Variants in HCN1 observed in about 807,000 individuals in gnomAD.
HCN1 encodes potassium/sodium hyperpolarization-activated cyclic nucleotide-gated channel 1.
HCN1 carries 13 observed loss-of-function variants against 78.9 expected under a neutral mutation model. The ratio of observed to expected loss-of-function variants is 0.16; its 90% CI spans 0.11 to 0.26. HCN1 has a LOEUF of 0.26. HCN1 is among the 10% of genes least tolerant of loss of function. The pLI is 1.00. For missense variants in HCN1, 810 were observed against 1,154.3 expected (o/e 0.70, Z 4.32); for synonymous variants, 552 against 455.5 (o/e 1.21, Z -2.70).
chr5:45,296,246 A>T (rs907648733), intron 6 of HCN1, among the ~76,000 whole-genome samples: 1 of 152,038 alleles, frequency 6.6e-6, no homozygotes, highest in Non-Finnish European at 1.5e-5. Flanking sequence ...GCTATAAAAC[A>T]CACCTCAGCA....
At chr5:45,485,667 A>G (rs928707991) in intron 2 of HCN1, among the ~76,000 whole-genome samples, 1 of 152,188 alleles carries the variant, frequency 6.6e-6, no homozygotes, top group African/African-American at 2.4e-5. Context: ...TAAAAAAAAT[A>G]CAACTCAGGA....
At chr5:45,485,357 A>C (rs1237014383) in intron 2 of HCN1, among the ~76,000 whole-genome samples, 5 of 152,116 alleles carry the variant, frequency 3.3e-5, no homozygotes, top group Non-Finnish European at 7.3e-5. Context: ...CCATCTCCTC[A>C]TTCTTCTGAA....
chr5:45,582,590 T>C (rs1464798694), intron 2 of HCN1, among the ~76,000 whole-genome samples: 8 of 152,140 alleles, frequency 5.3e-5, no homozygotes. Flanking sequence ...GGCATCCCTG[T>C]CTTGTGGCAG....
chr5:45,360,587 G>T (rs1244717490), intron 4 of HCN1, among the ~76,000 whole-genome samples: 1 of 151,942 alleles, frequency 6.6e-6, no homozygotes, highest in Non-Finnish European at 1.5e-5. Context: ...CTATTTTCAA[G>T]AACTATGCTA....
Position 45,439,500 on chromosome 5 carries a change from G to C in HCN1, c.1011+22346C>G, listed in dbSNP as rs565785049. Among the ~76,000 whole-genome samples, 82 of 152,242 alleles carry C rather than the reference G, an allele frequency of 5.4e-4. 1 individual carries two copies. The highest frequency in any genetic ancestry group is 3.4e-3 in the Middle Eastern group (1 of 294). On this transcript the variant is annotated intron_variant, in intron 3 of 7. Coordinates refer to ENST00000303230, the MANE Select transcript of HCN1 (RefSeq NM_021072.4). ...AAGAGAAAAATGAAGTGTAATGAAT[G>C]ATGGGTTAAAACGGCAAAGACTGTA...
rs563002597 is a variant in HCN1 at position 45,318,119 on chromosome 5, T to C, written c.1378-14280A>G. On this transcript the variant is annotated intron_variant, in intron 5 of 7. Transcript: ENST00000303230. ...AGCTATAAAAACACACGCACACTTATGTTTATTGTGTCACTATTCACAATA... is the reference window on the plus strand; with the variant it reads ...AGCTATAAAAACACACGCACACTTACGTTTATTGTGTCACTATTCACAATA... Among the ~76,000 whole-genome samples, 7 of 152,314 alleles carry C rather than the reference T, an allele frequency of 4.6e-5. No homozygotes were observed. The South Asian group carries it at 6.2e-4, about 14-fold the overall frequency.
chr5:45,619,373 G>A (rs1327903311), intron 2 of HCN1, among the ~76,000 whole-genome samples: 1 of 152,050 alleles, frequency 6.6e-6, no homozygotes, highest in Admixed American at 6.6e-5. Context: ...GGGGAAGAGA[G>A]AATACACGGT....
At chr5:45,466,701 A>T (rs1156650064) in intron 2 of HCN1, among the ~76,000 whole-genome samples, 1 of 152,160 alleles carries the variant, frequency 6.6e-6, no homozygotes, top group Non-Finnish European at 1.5e-5. Flanking sequence ...AATAGTCCTA[A>T]TCAATGGTAA....
chr5:45,399,159 T>C (rs1739745960), intron 3 of HCN1, among the ~76,000 whole-genome samples: 1 of 152,234 alleles, frequency 6.6e-6, no homozygotes, highest in South Asian at 2.1e-4. Context: ...ACTGCCTTTG[T>C]TGCTGCTGCT....
At chr5:45,492,800 T>G (rs1464169191) in intron 2 of HCN1, among the ~76,000 whole-genome samples, 2 of 152,122 alleles carry the variant, frequency 1.3e-5, no homozygotes, top group Non-Finnish European at 2.9e-5. Flanking sequence ...TACATTACAT[T>G]TTAACACATT....
intron 4 of HCN1, among the ~76,000 whole-genome samples, chr5:45,378,309 T>A (rs902341695): frequency 2.0e-5 from 3 of 152,076 alleles, no homozygotes; most frequent in Admixed American, 1.3e-4. Flanking sequence ...TGGGTCAAAC[T>A]TTTATATCCT....
At chr5:45,554,700 A>G (rs909130066) in intron 2 of HCN1, among the ~76,000 whole-genome samples, 1 of 151,870 alleles carries the variant, frequency 6.6e-6, no homozygotes, top group Non-Finnish European at 1.5e-5. Context: ...AACCAGTCAT[A>G]TCGGGCAAGG....
chr5:45,288,617 C>T (rs900920500), intron 6 of HCN1, among the ~76,000 whole-genome samples: 3 of 151,918 alleles, frequency 2.0e-5, no homozygotes, highest in South Asian at 2.1e-4. Flanking sequence ...CCTCCTAATC[C>T]TTTTATAGTT....
At chr5:45,418,273 T>C (rs887764240) in intron 3 of HCN1, among the ~76,000 whole-genome samples, 1 of 151,704 alleles carries the variant, frequency 6.6e-6, no homozygotes, top group African/African-American at 2.4e-5. Flanking sequence ...ACATATTCAT[T>C]AAACTATATT....
At chr5:45,310,864 G>T (rs898187457) in intron 5 of HCN1, among the ~76,000 whole-genome samples, 2 of 152,044 alleles carry the variant, frequency 1.3e-5, no homozygotes, top group African/African-American at 4.8e-5. Flanking sequence ...TCTTTTGCAG[G>T]GACATGGATG....
Position 45,258,624 on chromosome 5 carries a change from T to C in HCN1, c.*3297A>G, listed in dbSNP as rs1744669205. On this transcript the variant is annotated 3_prime_UTR_variant, in exon 8 of 8. Transcript: ENST00000303230. ...AACCCACTTGTGTGGGGAGGTTCTATCACTCTCCAAATAACTTTGCAGGGC... is the reference window on the plus strand; with the variant it reads ...AACCCACTTGTGTGGGGAGGTTCTACCACTCTCCAAATAACTTTGCAGGGC... The C allele has an allele frequency of 1.3e-5, 2 of 152,082 alleles. No individual in the cohort carries two copies. The highest frequency in any genetic ancestry group is 1.3e-4 in the Admixed American group (2 of 15,274). 9.4% of individuals were successfully genotyped at this position (152,082 alleles called of 1,614,324 possible). A position where few individuals can be genotyped will look rare whatever the true frequency, so the allele number is the denominator to read the frequency against.
At chr5:45,654,396 C>T (rs1474561307) in intron 1 of HCN1, among the ~76,000 whole-genome samples, 2 of 152,052 alleles carry the variant, frequency 1.3e-5, no homozygotes, top group Non-Finnish European at 2.9e-5. Context: ...GAAGTTTAAT[C>T]TAAAACTACT....
chr5:45,273,520 T>C (rs1209053872), intron 6 of HCN1, among the ~76,000 whole-genome samples: 1 of 152,136 alleles, frequency 6.6e-6, no homozygotes, highest in Admixed American at 6.6e-5. Flanking sequence ...TCCTGACCTC[T>C]AAAACTGAAC....
In HCN1 at chr5:45,652,666, G is replaced by A. The variant is rs939276798; in HGVS notation, c.426-7058C>T. Among the ~76,000 whole-genome samples the A allele has an allele frequency of 2.6e-5, 4 of 151,868 alleles. No individual in the cohort carries two copies. The East Asian group carries it at 5.8e-4, about 22-fold the overall frequency. On this transcript the variant is annotated intron_variant, in intron 1 of 7. Coordinates refer to ENST00000303230, the MANE Select transcript of HCN1 (RefSeq NM_021072.4). ...TTAGTGGCTTCCAAATTTCCTGATA[G>A]AATAGTCATCTCACCAGACTTAAAT...
Sources: gnomAD v4.1 joint callset for allele counts (sites outside exome capture counted in the v4.1 genomes callset) on GRCh38, gnomAD v4.1.1 for gene constraint, MANE v1.5 for transcripts, NCBI Gene and HGNC (gene_info 2026-07-23, HGNC 2026-07-21) for gene names.